The following FHIT variants were observed in gnomAD, a reference collection of about 807,000 sequenced individuals.
FHIT encodes fragile histidine triad diadenosine triphosphatase.
A neutral mutation model predicts 17.9 loss-of-function variants in FHIT; 19 were observed. The observed-to-expected ratio is 1.06, with a 90% CI of 0.74 to 1.56. The LOEUF (loss-of-function observed/expected upper bound fraction) is 1.56, where lower values mean the gene tolerates loss of function less well. FHIT is among the 40% of genes most tolerant of loss of function. The pLI, the probability that FHIT is intolerant of heterozygous loss-of-function variation, is 0.00. For synonymous variants in FHIT, 81 were observed against 69.7 expected (o/e 1.16, Z -0.81); for missense variants, 248 against 189.2 (o/e 1.31, Z -1.82).
At chr3:60,162,974 T>C (rs1309087502) in intron 5 of FHIT, among the ~76,000 whole-genome samples, 1 of 152,180 alleles carries the variant, frequency 6.6e-6, no homozygotes, top group Non-Finnish European at 1.5e-5. Context: ...AGCACCCCTG[T>C]TTGAGGCAAG....
At chr3:60,392,289 G>C (rs1576587874) in intron 5 of FHIT, among the ~76,000 whole-genome samples, 1 of 152,152 alleles carries the variant, frequency 6.6e-6, no homozygotes, top group East Asian at 1.9e-4. Context: ...GCGAAGCTTG[G>C]ATGGAAGAAT....
chr3:60,734,392 A>G (rs1433350759), intron 4 of FHIT, among the ~76,000 whole-genome samples: 2 of 152,200 alleles, frequency 1.3e-5, no homozygotes, highest in African/African-American at 4.8e-5. Flanking sequence ...CAGTCTCTCT[A>G]TATTTTAATT....
intron 4 of FHIT, among the ~76,000 whole-genome samples, chr3:60,584,216 C>G (rs916449832): frequency 2.0e-5 from 3 of 152,006 alleles, no homozygotes; most frequent in African/African-American, 7.2e-5. Context: ...AGTTGATAAC[C>G]TGAAATTGGC....
In FHIT at chr3:60,154,994, G is replaced by A. The variant is rs532656107; in HGVS notation, c.104-140842C>T. ...GTGAGAGGATCACTTGAGCCTAAGA[G>A]TTTGAGACCACTCTGGGCAACATAG... On this transcript the variant is annotated intron_variant, in intron 5 of 9. Coordinates refer to ENST00000492590, the MANE Select transcript of FHIT (RefSeq NM_002012.4). Among the ~76,000 whole-genome samples, 38 of 152,056 alleles carry A rather than the reference G, an allele frequency of 2.5e-4. 1 individual carries two copies. Among genetic ancestry groups the A allele is most frequent in the South Asian group, 8.3e-4 (4 of 4,820 alleles).
chr3:60,996,151 G>A (rs1395295171), intron 3 of FHIT, among the ~76,000 whole-genome samples: 1 of 152,180 alleles, frequency 6.6e-6, no homozygotes, highest in Non-Finnish European at 1.5e-5. Context: ...GTCTTGAGTT[G>A]CTGTTTATTG....
At chr3:60,808,195 T>C (rs564290747) in intron 4 of FHIT, among the ~76,000 whole-genome samples, 1 of 152,248 alleles carries the variant, frequency 6.6e-6, no homozygotes, top group East Asian at 1.9e-4. Flanking sequence ...CCAACTTTTA[T>C]GTAAGGTATG....
intron 3 of FHIT, among the ~76,000 whole-genome samples, chr3:61,009,928 G>C (rs6782531): frequency 0.13 from 19,453 of 152,134 alleles, 1,336 homozygotes; most frequent in African/African-American, 0.15. Context: ...CTATTTTGGA[G>C]AGAATTCTAT....
chr3:59,851,454 G>A (rs1426347987), intron 8 of FHIT, among the ~76,000 whole-genome samples: 3 of 152,138 alleles, frequency 2.0e-5, no homozygotes, highest in Non-Finnish European at 4.4e-5. Context: ...TAACAGAGAA[G>A]AAGGCAAAGT....
At chr3:60,212,158 T>A (rs1452252224) in intron 5 of FHIT, among the ~76,000 whole-genome samples, 2 of 152,166 alleles carry the variant, frequency 1.3e-5, no homozygotes, top group African/African-American at 4.8e-5. Context: ...CAAACTTGCA[T>A]TGTATTTCTA....
intron 8 of FHIT, among the ~76,000 whole-genome samples, chr3:59,790,070 C>A (rs187148458): frequency 1.3e-5 from 2 of 152,196 alleles, no homozygotes; most frequent in African/African-American, 4.8e-5. Context: ...AAATGAGCAG[C>A]GAAATTCCTC....
At chr3:61,057,231 C>A (rs12107509) in intron 2 of FHIT, among the ~76,000 whole-genome samples, 1 of 152,110 alleles carries the variant, frequency 6.6e-6, no homozygotes. Flanking sequence ...AATTTGTAAA[C>A]GTGTTATGGT....
chr3:60,398,374 G>C (rs868535203), intron 5 of FHIT, among the ~76,000 whole-genome samples: 2 of 152,156 alleles, frequency 1.3e-5, no homozygotes, highest in Non-Finnish European at 2.9e-5. Context: ...GACAATGCCA[G>C]TGTCCATGCT....
intron 1 of FHIT, among the ~76,000 whole-genome samples, chr3:61,233,219 T>C (rs945012178): frequency 1.3e-5 from 2 of 152,162 alleles, no homozygotes; most frequent in African/African-American, 4.8e-5. Context: ...AAGGAAGTTA[T>C]CTAAGAAAAT....
At chr3:60,509,717 T>C (rs750996785) in intron 5 of FHIT, among the ~76,000 whole-genome samples, 2 of 152,242 alleles carry the variant, frequency 1.3e-5, no homozygotes, top group Non-Finnish European at 2.9e-5. Flanking sequence ...GACATTTCTG[T>C]GGCTACACTT....
chr3:60,470,049 T>TC (rs368999175), intron 5 of FHIT, among the ~76,000 whole-genome samples: 16,262 of 147,526 alleles, frequency 0.11, 1,899 homozygotes, highest in African/African-American at 0.29. Context: ...CCCTCTCCTC[T>TC]CTCTTTCTTT....
chr3:60,081,562 G>C (rs1413160947), intron 5 of FHIT, among the ~76,000 whole-genome samples: 1 of 152,094 alleles, frequency 6.6e-6, no homozygotes, highest in African/African-American at 2.4e-5. Context: ...TGAGATACCA[G>C]CATATCCTAC....
intron 3 of FHIT, among the ~76,000 whole-genome samples, chr3:60,908,136 C>T (rs1328229459): frequency 6.6e-6 from 1 of 152,128 alleles, no homozygotes; most frequent in African/African-American, 2.4e-5. Context: ...CTGGAGGGTT[C>T]AATTGGTTCC....
At chr3:60,960,235 G>C (rs1559866672) in intron 3 of FHIT, among the ~76,000 whole-genome samples, 1 of 152,138 alleles carries the variant, frequency 6.6e-6, no homozygotes, top group Non-Finnish European at 1.5e-5. Context: ...CAGGAACTAA[G>C]AGCCAAGAGT....
intron 2 of FHIT, among the ~76,000 whole-genome samples, chr3:61,054,136 G>T (rs1167704210): frequency 6.6e-6 from 1 of 152,112 alleles, no homozygotes; most frequent in Non-Finnish European, 1.5e-5. Context: ...AGTCTTCATG[G>T]CTCACCTTGT....
Sources: gnomAD v4.1 joint callset for allele counts (sites outside exome capture counted in the v4.1 genomes callset) on GRCh38, gnomAD v4.1.1 for gene constraint, MANE v1.5 for transcripts, NCBI Gene and HGNC (gene_info 2026-07-23, HGNC 2026-07-21) for gene names.